The following KLRG1 variants were observed in gnomAD, a reference collection of about 807,000 sequenced individuals.
KLRG1 encodes the protein killer cell lectin-like receptor subfamily G member 1.
A neutral mutation model predicts 21.8 loss-of-function variants in KLRG1; 16 were observed. The ratio of observed to expected loss-of-function variants is 0.73; its 90% CI spans 0.50 to 1.11. The LOEUF (loss-of-function observed/expected upper bound fraction) is 1.11. Among genes scored for constraint, KLRG1 ranks in the 50% most tolerant of loss-of-function variants. The pLI is 0.00. For synonymous variants in KLRG1, 69 were observed against 75.9 expected (o/e 0.91, Z 0.47); for missense variants, 173 against 218.3 (o/e 0.79, Z 1.31).
At chr12:9,182,306 A>G in the KLRG1 span, among the ~76,000 whole-genome samples, 1 of 152,204 alleles carries the variant, frequency 6.6e-6, no homozygotes, top group Non-Finnish European at 1.5e-5. Context: ...TCCCTTCAGA[A>G]CTTTAATTAT....
At chr12:9,201,372 A>T in the KLRG1 span, 1 of 1,545,620 alleles carries the variant, frequency 6.5e-7, no homozygotes, top group Admixed American at 1.8e-5. Context: ...GAAAGAAGAG[A>T]TGTGATTAGA....
the KLRG1 span, chr12:9,068,757 T>C: frequency 6.2e-7 from 1 of 1,605,732 alleles, no homozygotes; most frequent in Non-Finnish European, 8.5e-7. Flanking sequence ...GTAGTAATCA[T>C]AGACTTTCAC....
At chr12:9,018,250 G>T in the KLRG1 span, among the ~76,000 whole-genome samples, 22 of 151,938 alleles carry the variant, frequency 1.4e-4, no homozygotes, top group African/African-American at 5.3e-4. Context: ...CACAGAAATA[G>T]AAAAAGTAAT....
the KLRG1 span, among the ~76,000 whole-genome samples, chr12:9,214,312 A>C: frequency 6.6e-6 from 1 of 151,994 alleles, no homozygotes; most frequent in South Asian, 2.1e-4. Flanking sequence ...GTTGTGACTA[A>C]TATGAATCTT....
At chr12:9,049,849 T>C in the KLRG1 span, among the ~76,000 whole-genome samples, 1 of 152,128 alleles carries the variant, frequency 6.6e-6, no homozygotes, top group South Asian at 2.1e-4. Flanking sequence ...ATAATACTGC[T>C]CGGTATCTGG....
At chr12:8,983,395 CT>C (rs764267755) in intron 1 of KLRG1, among the ~76,000 whole-genome samples, 122 of 89,510 alleles carry the variant, frequency 1.4e-3, no homozygotes, top group African/African-American at 3.7e-3. Context: ...ACCATTTTAC[CT>C]TTTTTTTTTT....
rs1947598606 is a variant in KLRG1 at position 9,010,064 on chromosome 12, T to TA, written c.*528dup. On this transcript the variant is annotated 3_prime_UTR_variant, in exon 5 of 5. Transcript: ENST00000356986. ...TAGCTGGCATGCTGGTGTGTACCTG[T>TA]AGTCCTAGCTATTTGGGAAGCTGAG... 1 of 1,502,810 alleles carries TA rather than the reference T, an allele frequency of 6.7e-7. No homozygotes were observed. Among genetic ancestry groups the TA allele is most frequent in the Non-Finnish European group, 8.9e-7 (1 of 1,118,726 alleles). The allele number at this position is 1,502,810 out of a possible 1,614,324, so 93.1% of individuals were successfully genotyped here. A position where few individuals can be genotyped will look rare whatever the true frequency, so the allele number is the denominator to read the frequency against.
the KLRG1 span, among the ~76,000 whole-genome samples, chr12:9,029,436 G>A: frequency 6.6e-6 from 1 of 151,896 alleles, no homozygotes; most frequent in African/African-American, 2.4e-5. Context: ...GGCTGGTCTC[G>A]AACTCCTAAC....
At chr12:9,092,852 A>G in the KLRG1 span, among the ~76,000 whole-genome samples, 1 of 152,230 alleles carries the variant, frequency 6.6e-6, no homozygotes, top group African/African-American at 2.4e-5. Context: ...GCCAAGATAT[A>G]AAAACAACCT....
the KLRG1 span, chr12:9,202,623 G>C: frequency 4.8e-5 from 77 of 1,614,048 alleles, no homozygotes; most frequent in Admixed American, 9.2e-4. Context: ...GAAATCTTGC[G>C]TAGGCCCCTT....
At chr12:9,204,305 G>T in the KLRG1 span, among the ~76,000 whole-genome samples, 1 of 151,872 alleles carries the variant, frequency 6.6e-6, no homozygotes, top group African/African-American at 2.4e-5. Flanking sequence ...AAAAGTGCAC[G>T]CACACAAACA....
At chr12:9,165,915 T>C in the KLRG1 span, 1 of 1,066,296 alleles carries the variant, frequency 9.4e-7, no homozygotes, top group African/African-American at 1.6e-5. Flanking sequence ...TTGCGCATTT[T>C]ACTTAGGTCT....
chr12:9,064,800 G>A, the KLRG1 span: 1 of 153,502 alleles, frequency 6.5e-6, no homozygotes, highest in Non-Finnish European at 1.5e-5. This position sits in a 1 kb window ranked among gnomAD's most constrained non-coding sequence, Gnocchi z 4.0. Context: ...AAGGCGAGAA[G>A]TGGGAGCGGG....
the KLRG1 span, chr12:9,201,271 C>A: frequency 4.9e-6 from 7 of 1,432,862 alleles, no homozygotes; most frequent in Non-Finnish European, 6.8e-6. Flanking sequence ...ATTATCAGAA[C>A]CTCCTACTCT....
At chr12:9,028,173 CAG>C in the KLRG1 span, 2 of 594,898 alleles carry the variant, frequency 3.4e-6, no homozygotes, top group Non-Finnish European at 5.8e-6. Flanking sequence ...TTTTCTGAGA[CAG>C]AGTCTGGCTC....
At chr12:9,002,087 A>G (rs759344897) in intron 3 of KLRG1, among the ~76,000 whole-genome samples, 41 of 152,088 alleles carry the variant, frequency 2.7e-4, no homozygotes, top group Non-Finnish European at 3.7e-4. Context: ...CTTGTTTTCA[A>G]TTGTCATGAG....
the KLRG1 span, chr12:9,203,638 G>T: frequency 9.2e-7 from 1 of 1,085,984 alleles, no homozygotes; most frequent in Non-Finnish European, 1.3e-6. Flanking sequence ...ACCGCACCTG[G>T]CCCCTGAAGT....
At chr12:9,091,037 T>G in the KLRG1 span, among the ~76,000 whole-genome samples, 2 of 152,212 alleles carry the variant, frequency 1.3e-5, no homozygotes, top group African/African-American at 4.8e-5. Flanking sequence ...AAACTTGCTT[T>G]ATGGTGCAAT....
At chr12:9,106,273 T>C in the KLRG1 span, 7 of 1,612,632 alleles carry the variant, frequency 4.3e-6, no homozygotes, top group Non-Finnish European at 5.9e-6. Context: ...AAAGTGTGAG[T>C]CCACTTTCAC....
Sources: allele counts gnomAD v4.1 joint callset (sites outside exome capture counted in the v4.1 genomes callset), GRCh38; gene constraint gnomAD v4.1.1; non-coding constraint Gnocchi (gnomAD v3.1); transcripts MANE v1.5; gene names NCBI Gene and HGNC (gene_info 2026-07-23, HGNC 2026-07-21).